XKR6: variants seen among roughly 807,000 people sequenced by gnomAD.
XKR6 encodes XK-related protein 6.
Under a neutral mutation model 56.7 loss-of-function variants are expected in XKR6, and 22 were observed. The observed-to-expected ratio is 0.39, with a 90% CI of 0.28 to 0.55. The LOEUF (loss-of-function observed/expected upper bound fraction) is 0.55, where lower values mean the gene tolerates loss of function less well. Among genes scored for constraint, XKR6 ranks in the 20% least tolerant of loss-of-function variants. The pLI is 0.66. For synonymous variants in XKR6, 524 were observed against 387.8 expected (o/e 1.35, Z -4.13); for missense variants, 852 against 889.0 (o/e 0.96, Z 0.53).
At position 10,908,631 on chromosome 8, in the gene XKR6, G is replaced by A. The variant is rs572448337; in HGVS notation, c.962-9715C>T. On this transcript the variant is annotated intron_variant, in intron 2 of 2. Coordinates refer to ENST00000416569, the MANE Select transcript of XKR6 (RefSeq NM_173683.4). ...CTTCTCACCAAGACCTTTATGCAAC[G>A]ATCAGCTTCTCAGCCAGGCCCTCCC... 2.1e-4 allele frequency among the ~76,000 whole-genome samples: 32 copies of A among 152,120 alleles called. No homozygotes were observed. The South Asian group carries it at 4.8e-3, about 23-fold the overall frequency.
chr8:11,159,355 T>C lies in XKR6; in HGVS notation c.764+41221A>G, dbSNP rs1801680170. On this transcript the variant is annotated intron_variant, in intron 1 of 2. Transcript: ENST00000416569. ...CTTACTTTACTAATAACATAGTCTA[T>C]ACAACCCCCAAGTAATGACCACAAT... 2.6e-5 allele frequency among the ~76,000 whole-genome samples: 4 copies of C among 152,232 alleles called. No individual in the cohort carries two copies. In the South Asian group the frequency reaches 8.3e-4, roughly 32 times the overall value.
At chr8:11,050,866 G>C (rs1194473650) in intron 1 of XKR6, among the ~76,000 whole-genome samples, 3 of 151,314 alleles carry the variant, frequency 2.0e-5, no homozygotes, top group Non-Finnish European at 4.4e-5. Context: ...ACTCCTCCCT[G>C]CACCACCCAC....
At chr8:11,048,547 C>T (rs560846163) in intron 1 of XKR6, among the ~76,000 whole-genome samples, 6 of 152,308 alleles carry the variant, frequency 3.9e-5, no homozygotes, top group Admixed American at 2.0e-4. Flanking sequence ...CCAACTCCTA[C>T]GTGTCTGAGT....
chr8:10,963,680 G>C (rs890989929), intron 1 of XKR6, among the ~76,000 whole-genome samples: 3 of 151,622 alleles, frequency 2.0e-5, no homozygotes, highest in Admixed American at 6.6e-5. Context: ...CTGTAGCTGG[G>C]ACCACAGGTA....
intron 2 of XKR6, among the ~76,000 whole-genome samples, chr8:10,910,241 G>A (rs1800312419): frequency 6.6e-6 from 1 of 152,102 alleles, no homozygotes; most frequent in African/African-American, 2.4e-5. Context: ...TAATCGCGCT[G>A]AGGTTGAAAC....
At chr8:10,932,627 C>G (rs1255175939) in intron 1 of XKR6, among the ~76,000 whole-genome samples, 3 of 134,624 alleles carry the variant, frequency 2.2e-5, no homozygotes, top group African/African-American at 8.7e-5. Flanking sequence ...TTCATGTGTC[C>G]ATGTGATCTC....
At chr8:11,002,696 G>C (rs1188852154) in intron 1 of XKR6, among the ~76,000 whole-genome samples, 1 of 152,248 alleles carries the variant, frequency 6.6e-6, no homozygotes, top group Non-Finnish European at 1.5e-5. Flanking sequence ...CCAGGGGGTG[G>C]TGCGAGTTCA....
chr8:11,145,829 T>G (rs1239642310), intron 1 of XKR6, among the ~76,000 whole-genome samples: 1 of 152,176 alleles, frequency 6.6e-6, no homozygotes, highest in Non-Finnish European at 1.5e-5. Context: ...ACTGTTTTTG[T>G]AGAAATTAAC....
chr8:10,999,109 C>A (rs185359714), intron 1 of XKR6, among the ~76,000 whole-genome samples: 4 of 152,306 alleles, frequency 2.6e-5, no homozygotes, highest in Non-Finnish European at 5.9e-5. Flanking sequence ...GGTCTAGCTG[C>A]CTTATTCTTT....
chr8:10,977,505 C>G (rs1451985250), intron 1 of XKR6, among the ~76,000 whole-genome samples: 2 of 151,572 alleles, frequency 1.3e-5, no homozygotes, highest in Non-Finnish European at 2.9e-5. Flanking sequence ...AATTACAACC[C>G]TGGATGCAAC....
Position 11,043,465 on chromosome 8 carries a change from G to A in XKR6, c.765-118635C>T, listed in dbSNP as rs76663290. Among the ~76,000 whole-genome samples the A allele has an allele frequency of 2.4e-3, 361 of 152,330 alleles. 1 individual carries two copies. Among genetic ancestry groups the A allele is most frequent in the African/African-American group, 8.5e-3 (352 of 41,576 alleles). On this transcript the variant is annotated intron_variant, in intron 1 of 2. Transcript: ENST00000416569. ...TCCTTTACCTACCCAGGACTCTCTG[G>A]AAGTCCCTCCTTCACGTTTGACCTT... is the stretch of plus-strand genomic sequence containing the variant.
chr8:11,197,320 C>A (rs1276959531), intron 1 of XKR6, among the ~76,000 whole-genome samples: 2 of 152,174 alleles, frequency 1.3e-5, no homozygotes, highest in Non-Finnish European at 2.9e-5. Flanking sequence ...CTGAAGAGAA[C>A]TGACAATGCA....
At chr8:10,968,418 C>T (rs1802297216) in intron 1 of XKR6, among the ~76,000 whole-genome samples, 1 of 152,256 alleles carries the variant, frequency 6.6e-6, no homozygotes, top group Non-Finnish European at 1.5e-5. Context: ...CATTTCCCTC[C>T]AGGTGCTCTC....
At chr8:11,011,902 G>A (rs963857159) in intron 1 of XKR6, among the ~76,000 whole-genome samples, 2 of 152,232 alleles carry the variant, frequency 1.3e-5, no homozygotes, top group African/African-American at 2.4e-5. Context: ...AGTGCAGTGT[G>A]GCAGCTCAGG....
At chr8:10,970,912 T>A (rs529115257) in intron 1 of XKR6, among the ~76,000 whole-genome samples, 45 of 151,478 alleles carry the variant, frequency 3.0e-4, no homozygotes, top group African/African-American at 1.1e-3. Context: ...CAGGAAGAGG[T>A]CTCTCTCCTA....
chr8:11,085,207 C>A (rs1369890633), intron 1 of XKR6, among the ~76,000 whole-genome samples: 2 of 152,220 alleles, frequency 1.3e-5, no homozygotes, highest in Non-Finnish European at 2.9e-5. Flanking sequence ...GACTTCCTCC[C>A]ATCACCCTCT....
At chr8:11,137,404 G>A (rs938839809) in intron 1 of XKR6, 3 of 360,008 alleles carry the variant, frequency 8.3e-6, no homozygotes, top group Non-Finnish European at 1.6e-5. Flanking sequence ...ACATATTCTA[G>A]CTAGAATAGT....
At chr8:11,043,449 T>C (rs1375974642) in intron 1 of XKR6, among the ~76,000 whole-genome samples, 1 of 152,204 alleles carries the variant, frequency 6.6e-6, no homozygotes, top group East Asian at 1.9e-4. Context: ...CTCCTTTACC[T>C]ACCCAGGACT....
At chr8:11,130,351 T>C (rs1393999213) in intron 1 of XKR6, among the ~76,000 whole-genome samples, 1 of 151,988 alleles carries the variant, frequency 6.6e-6, no homozygotes, top group Non-Finnish European at 1.5e-5. Context: ...AAAGCACAAG[T>C]GTTTTATCGC....
Sources: gnomAD v4.1 joint callset for allele counts (sites outside exome capture counted in the v4.1 genomes callset) on GRCh38, gnomAD v4.1.1 for gene constraint, MANE v1.5 for transcripts, NCBI Gene and HGNC (gene_info 2026-07-23, HGNC 2026-07-21) for gene names.